The following RIOK1 variants were observed in gnomAD, a reference collection of about 807,000 sequenced individuals.
RIOK1 encodes serine/threonine-protein kinase RIO1.
Under a neutral mutation model 73.5 loss-of-function variants are expected in RIOK1, and 66 were observed. That is an observed-to-expected ratio of 0.90 (90% CI 0.74 to 1.10). The LOEUF is 1.10. Among genes scored for constraint, RIOK1 ranks in the 50% least tolerant of loss-of-function variants. RIOK1 has a pLI of 0.00. For missense variants in RIOK1, 658 were observed against 699.8 expected, an observed-to-expected ratio of 0.94 and a Z score of 0.67; for synonymous variants, 224 against 226.8, an observed-to-expected ratio of 0.99 and a Z score of 0.11.
At chr6:7,398,133 C>T (rs921097139) in intron 4 of RIOK1, among the ~76,000 whole-genome samples, 1 of 152,286 alleles carries the variant, frequency 6.6e-6, no homozygotes, top group Admixed American at 6.5e-5. Flanking sequence ...CAGAGCGAGA[C>T]TCCATCTCAA....
intron 8 of RIOK1, 44 bp downstream of exon 8, chr6:7,402,941 A>G (rs527540103): frequency 1.0e-5 from 16 of 1,549,230 alleles, no homozygotes; most frequent in South Asian, 3.5e-5. Flanking sequence ...TGCCCTGTAC[A>G]TGAACATCAG....
At position 7,393,089 on chromosome 6, in the gene RIOK1, T is replaced by C. The variant is rs767863326; in HGVS notation, c.72-10T>C. ...ATTGTTATGAAATAATAAAACATTGTTATTTCTAGTGAAAACAGAGACTTG... is the reference window on the plus strand; with the variant it reads ...ATTGTTATGAAATAATAAAACATTGCTATTTCTAGTGAAAACAGAGACTTG... On this transcript the variant is annotated splice_polypyrimidine_tract_variant and intron_variant, in intron 1 of 16. Transcript: ENST00000379834. 12 of 1,609,698 alleles carry C rather than the reference T, an allele frequency of 7.5e-6. No homozygotes were observed. The highest frequency in any genetic ancestry group is 1.0e-5 in the Non-Finnish European group (12 of 1,176,616).
intron 5 of RIOK1, 98 bp from the exon 6 acceptor site, chr6:7,400,860 T>A (rs937117545): frequency 1.6e-5 from 11 of 693,340 alleles, no homozygotes; most frequent in Non-Finnish European, 2.3e-5. Flanking sequence ...GATAGCGTCG[T>A]ACAGTTAAGC....
intron 14 of RIOK1, chr6:7,411,696 G>A: frequency 2.4e-6 from 1 of 418,778 alleles, no homozygotes; most frequent in South Asian, 2.7e-5. Flanking sequence ...ACAAGATTCA[G>A]ATAGAAGTCT....
intron 2 of RIOK1, among the ~76,000 whole-genome samples, chr6:7,394,665 C>A (rs889973450): frequency 6.6e-6 from 1 of 152,098 alleles, no homozygotes. Context: ...GACATTGGGC[C>A]CAAAATGAAA....
At chr6:7,401,793 C>T (rs1244567779) in intron 6 of RIOK1, among the ~76,000 whole-genome samples, 3 of 149,988 alleles carry the variant, frequency 2.0e-5, no homozygotes, top group Non-Finnish European at 2.9e-5. Context: ...ATTTTCCTGC[C>T]TCACCCTCCC....
chr6:7,395,093 C>G lies in RIOK1; in HGVS notation c.317C>G (p.Ser106Cys). The G allele has an allele frequency of 1.2e-6, 2 of 1,613,902 alleles. No homozygotes were observed. Among genetic ancestry groups the G allele is most frequent in the Non-Finnish European group, 1.7e-6 (2 of 1,179,844 alleles). ...TCCGACAGCAGTTCAGCCAAAATGT[C>G]TACTCCAGCAGACAAGGTCTTACGG... ...QTSDSSSAKM[S>C]TPADKVLRKF... The change falls in exon 3 of 17, where the codon TCT (serine) becomes TGT (cysteine). Residue 106 changes from serine (S) to cysteine (C), a missense_variant. Transcript: ENST00000379834.
intron 1 of RIOK1, among the ~76,000 whole-genome samples, chr6:7,392,234 C>G (rs9392156): frequency 1.6e-5 from 2 of 124,978 alleles, no homozygotes; most frequent in Admixed American, 9.0e-5. Context: ...GGCCTGAATT[C>G]TAATATGGCA....
In RIOK1 at chr6:7,405,325, A is replaced by G. The variant is rs114362054; in HGVS notation, c.1173A>G (p.Thr391=). Residue 391 remains threonine (T), a synonymous_variant, in exon 12 of 17, where the codon ACA becomes ACG. Transcript: ENST00000379834. The part of the protein sequence containing the change: ...LFEFVTDPSI[T]HENMDAYLSK... ...AATTTGTCACAGATCCATCCATTAC[A>G]CATGAGAACATGGATGCTTATCTCT... The G allele has an allele frequency of 4.5e-5, 72 of 1,608,050 alleles. No homozygotes were observed. In the African/African-American group the frequency reaches 5.7e-4, roughly 13 times the overall value.
intron 1 of RIOK1, among the ~76,000 whole-genome samples, chr6:7,391,307 C>T (rs1053118329): frequency 6.6e-6 from 1 of 151,934 alleles, no homozygotes; most frequent in African/African-American, 2.4e-5. Flanking sequence ...CAGGGGAAAC[C>T]GATATTATTA....
Position 7,395,100 on chromosome 6 carries a change from A to G in RIOK1, c.324A>G (p.Pro108=), listed in dbSNP as rs1761439193. ...GCAGTTCAGCCAAAATGTCTACTCC[A>G]GCAGACAAGGTCTTACGGAAATTTG... ...SDSSSAKMST[P]ADKVLRKFEN... The change falls in exon 3 of 17, where the codon CCA becomes CCG. Residue 108 remains proline (P), a synonymous_variant. Coordinates refer to ENST00000379834, the MANE Select transcript of RIOK1 (RefSeq NM_031480.3). 6.2e-7 allele frequency: 1 copy of G among 1,613,816 alleles called. No homozygotes were observed. Among genetic ancestry groups the G allele is most frequent in the Non-Finnish European group, 8.5e-7 (1 of 1,179,846 alleles).
intron 13 of RIOK1, 124 bp downstream of exon 13, chr6:7,410,575 T>C (rs1761862086): frequency 3.1e-6 from 2 of 641,036 alleles, no homozygotes; most frequent in East Asian, 5.5e-5. Flanking sequence ...GATGGTAATA[T>C]TTCCTTAAGA....
rs779040689 is a variant in RIOK1, at chr6:7,417,393, T to C, written c.1659T>C (p.His553=). ...AAAGAAAAAACAAAATTCCTAAACA[T>C]GTGAAAAAAAGAAAGGAGAAGACAG... ...REKRKNKIPK[H]VKKRKEKTAK... The change falls in exon 17 of 17, where the codon CAT becomes CAC. Residue 553 remains histidine (H), a synonymous_variant. Coordinates refer to ENST00000379834, the MANE Select transcript of RIOK1 (RefSeq NM_031480.3). The C allele has an allele frequency of 8.3e-6, 13 of 1,567,074 alleles. No homozygotes were observed. Among genetic ancestry groups the C allele is most frequent in the Middle Eastern group, 1.7e-4 (1 of 5,958 alleles).
intron 4 of RIOK1, among the ~76,000 whole-genome samples, chr6:7,398,228 CTA>C (rs774847061): frequency 5.9e-5 from 9 of 151,932 alleles, no homozygotes; most frequent in Non-Finnish European, 8.8e-5. Context: ...ATGACTAACT[CTA>C]TGTGGAGGCT....
chr6:7,410,566 A>T, intron 13 of RIOK1, 115 bp downstream of exon 13: 1 of 661,696 alleles, frequency 1.5e-6, no homozygotes, highest in Non-Finnish European at 2.7e-6. Context: ...TTTTCAAATG[A>T]TGGTAATATT....
At chr6:7,392,391 T>C (rs1402188520) in intron 1 of RIOK1, among the ~76,000 whole-genome samples, 1 of 152,210 alleles carries the variant, frequency 6.6e-6, no homozygotes, top group Non-Finnish European at 1.5e-5. Flanking sequence ...CTTCCCATCA[T>C]GAACAGGGAT....
chr6:7,403,853 C>A, intron 8 of RIOK1, 88 bp from the exon 9 acceptor site: 2 of 800,308 alleles, frequency 2.5e-6, no homozygotes, highest in Non-Finnish European at 4.3e-6. Context: ...TTCTTAACAG[C>A]AATATTAATC....
rs1004931284 is a variant in RIOK1 at position 7,396,620 on chromosome 6, G to A, written c.368-83G>A. 6 of 714,784 alleles carry A rather than the reference G, an allele frequency of 8.4e-6. No homozygotes were observed. In the African/African-American group the frequency reaches 1.1e-4, roughly 13 times the overall value. 44.3% of individuals were successfully genotyped at this position (714,784 alleles called of 1,614,324 possible). A position where few individuals can be genotyped will look rare whatever the true frequency, so the allele number is the denominator to read the frequency against. On this transcript the variant is annotated intron_variant, in intron 3 of 16. Coordinates refer to ENST00000379834, the MANE Select transcript of RIOK1 (RefSeq NM_031480.3). ...TAGAAAGTGTAGAAGAGAAGGAAGA[G>A]GGGAGAAATACCCTGTTCAGCAACT...
chr6:7,409,214 TGTGTGTG>T (rs1561880358), intron 12 of RIOK1, among the ~76,000 whole-genome samples: 1 of 1,280 alleles, frequency 7.8e-4, no homozygotes, highest in East Asian at 0.024. Context: ...CCCGACTAAT[TGTGTGTG>T]TGTGTGTGTG....
Sources: allele counts gnomAD v4.1 joint callset (sites outside exome capture counted in the v4.1 genomes callset), GRCh38; gene constraint gnomAD v4.1.1; transcripts MANE v1.5; gene names NCBI Gene and HGNC (gene_info 2026-07-23, HGNC 2026-07-21).